The following CUL3 variants were observed in gnomAD, a reference collection of about 807,000 sequenced individuals.
The protein encoded by CUL3 is cullin 3.
CUL3 carries 19 observed loss-of-function variants against 89.1 expected under a neutral mutation model. That is an observed-to-expected ratio of 0.21 (90% confidence interval 0.15 to 0.31). The LOEUF is 0.31. Among genes scored for constraint, CUL3 ranks in the 10% least tolerant of loss-of-function variants. CUL3 has a pLI of 1.00. For synonymous variants in CUL3, 351 were observed against 308.4 expected (o/e 1.14, Z -1.45); for missense variants, 469 against 942.3 (o/e 0.50, Z 6.58).
intron 6 of CUL3, 65 bp downstream of exon 6, chr2:224,511,289 A>G: frequency 8.1e-7 from 1 of 1,228,648 alleles, no homozygotes. Context: ...TAATTGTAGG[A>G]AAATTTTAAA....
chr2:224,540,462 G>A (rs888473544), intron 2 of CUL3, among the ~76,000 whole-genome samples: 1 of 151,816 alleles, frequency 6.6e-6, no homozygotes, highest in East Asian at 1.9e-4. Context: ...AAAGAAAGAA[G>A]AAAGAAGAAG....
chr2:224,566,686 C>T (rs926072683), intron 1 of CUL3, among the ~76,000 whole-genome samples: 18 of 152,196 alleles, frequency 1.2e-4, no homozygotes, highest in Admixed American at 9.8e-4. Flanking sequence ...CCATCCTTTG[C>T]TGGCATTATA....
chr2:224,470,366 A>G lies in CUL3; in HGVS notation c.*3879T>C. 1 of 229,174 alleles carries G rather than the reference A, an allele frequency of 4.4e-6. No homozygotes were observed. 14.2% of individuals were successfully genotyped at this position (229,174 alleles called of 1,614,324 possible). A position where few individuals can be genotyped will look rare whatever the true frequency, so the allele number is the denominator to read the frequency against. On this transcript the variant is annotated 3_prime_UTR_variant, in exon 16 of 16. Coordinates refer to ENST00000264414, the MANE Select transcript of CUL3 (RefSeq NM_003590.5). Reference sequence around the variant, plus strand: ...CTTAGACCCTAAAACTGAGCATCAAATTACTTAAATGACACGCTTACAAAT... The same window carrying G: ...CTTAGACCCTAAAACTGAGCATCAAGTTACTTAAATGACACGCTTACAAAT...
chr2:224,522,302 G>A (rs1574654106), intron 3 of CUL3, among the ~76,000 whole-genome samples: 1 of 152,138 alleles, frequency 6.6e-6, no homozygotes, highest in African/African-American at 2.4e-5. Context: ...AGTTTCTACT[G>A]CAGAATCATA....
intron 13 of CUL3, among the ~76,000 whole-genome samples, chr2:224,487,183 T>C (rs1039068356): frequency 2.0e-5 from 3 of 152,050 alleles, no homozygotes; most frequent in East Asian, 3.9e-4. Context: ...GTAAAGACTA[T>C]TGACACTATG....
intron 3 of CUL3, 28 bp downstream of exon 3, chr2:224,535,500 A>T: frequency 2.1e-6 from 3 of 1,463,238 alleles, no homozygotes; most frequent in Non-Finnish European, 2.8e-6. Context: ...TGCTTAAAGG[A>T]AGAAAACATT....
intron 1 of CUL3, among the ~76,000 whole-genome samples, chr2:224,563,805 A>T (rs911959818): frequency 6.6e-6 from 1 of 152,164 alleles, no homozygotes; most frequent in African/African-American, 2.4e-5. Context: ...GATCAAAATC[A>T]CAATGCTTAT....
At chr2:224,503,867 C>T (rs2106197976) in intron 8 of CUL3, 45 bp from the exon 9 acceptor site, 1 of 1,410,486 alleles carries the variant, frequency 7.1e-7, no homozygotes, top group Non-Finnish European at 9.5e-7. Context: ...TTTAGTTCTA[C>T]AAAAGCAGTA....
chr2:224,529,796 G>A (rs775339162), intron 3 of CUL3, among the ~76,000 whole-genome samples: 1 of 152,038 alleles, frequency 6.6e-6, no homozygotes, highest in African/African-American at 2.4e-5. Flanking sequence ...TTGCAACACC[G>A]AACCTGCCAA....
chr2:224,580,622 T>G (rs1275029125), intron 1 of CUL3, among the ~76,000 whole-genome samples: 1 of 152,000 alleles, frequency 6.6e-6, no homozygotes, highest in African/African-American at 2.4e-5. Context: ...AGGTGGAGGC[T>G]GCAGTGAGCC....
intron 3 of CUL3, among the ~76,000 whole-genome samples, chr2:224,530,035 G>A (rs1374193142): frequency 6.6e-6 from 1 of 152,000 alleles, no homozygotes; most frequent in Admixed American, 6.5e-5. Context: ...TCAGGAGATC[G>A]AGACCATGAT....
rs1166152595 is a variant in CUL3, at chr2:224,526,585, CAAAAAAA to C, written c.378+8936_378+8942del. ...TGGGCGACAGAGGGAGACTCCGTCT[CAAAAAAA>C]AAAAAAAAAAAAAAAAAAAGAAAAG... is the stretch of plus-strand genomic sequence containing the variant. On this transcript the variant is annotated intron_variant, in intron 3 of 15. Transcript: ENST00000264414. Among the ~76,000 whole-genome samples, 184 of 26,148 alleles carry C rather than the reference CAAAAAAA, an allele frequency of 7.0e-3. 1 individual carries two copies. The Middle Eastern group carries it at 0.095, about 14-fold the overall frequency. The allele number at this position is 26,148 out of a possible 152,430, so 17.2% of individuals were successfully genotyped here. A position where few individuals can be genotyped will look rare whatever the true frequency, so the allele number is the denominator to read the frequency against.
At chr2:224,558,715 A>C (rs1694803916) in intron 1 of CUL3, among the ~76,000 whole-genome samples, 1 of 152,180 alleles carries the variant, frequency 6.6e-6, no homozygotes, top group Non-Finnish European at 1.5e-5. Context: ...TTTGACAAGT[A>C]AATCTCTAGT....
chr2:224,534,983 A>T (rs1039637706), intron 3 of CUL3, among the ~76,000 whole-genome samples: 1 of 150,988 alleles, frequency 6.6e-6, no homozygotes, highest in Admixed American at 6.6e-5. Flanking sequence ...CCTGGGGAAC[A>T]GAGCGAGACC....
chr2:224,511,857 T>C (rs1330072565), intron 5 of CUL3, among the ~76,000 whole-genome samples: 1 of 152,298 alleles, frequency 6.6e-6, no homozygotes, highest in East Asian at 1.9e-4. Context: ...AACAAGTATA[T>C]ACACGCCAGT....
chr2:224,585,025 C>T lies in CUL3; in HGVS notation c.-16G>A, dbSNP rs376097816. On this transcript the variant is annotated 5_prime_UTR_variant, in exon 1 of 16. Coordinates refer to ENST00000264414, the MANE Select transcript of CUL3 (RefSeq NM_003590.5). ...GATTCGACATGGTGCTCGTCCCCTC[C>T]CCGGCGGCGGCTTCAGGTCGCGCTC... is the stretch of plus-strand genomic sequence containing the variant. 2.9e-5 allele frequency: 43 copies of T among 1,491,822 alleles called. No individual in the cohort carries two copies. The African/African-American group carries it at 5.0e-4, about 17-fold the overall frequency. The allele number at this position is 1,491,822 out of a possible 1,614,324, so 92.4% of individuals were successfully genotyped here.
At chr2:224,520,964 G>C (rs551836793) in intron 3 of CUL3, among the ~76,000 whole-genome samples, 7 of 152,292 alleles carry the variant, frequency 4.6e-5, no homozygotes, top group African/African-American at 1.7e-4. Flanking sequence ...CCTATGCAAA[G>C]TCAAGGGGTG....
At chr2:224,558,425 T>A (rs532602470) in intron 1 of CUL3, among the ~76,000 whole-genome samples, 3 of 152,336 alleles carry the variant, frequency 2.0e-5, no homozygotes, top group African/African-American at 7.2e-5. Flanking sequence ...TTATGACTGC[T>A]TCCTATTCCA....
At chr2:224,545,543 C>T (rs1000903644) in intron 2 of CUL3, among the ~76,000 whole-genome samples, 1 of 152,150 alleles carries the variant, frequency 6.6e-6, no homozygotes, top group African/African-American at 2.4e-5. Flanking sequence ...CAAAATGAAG[C>T]TCTTAAAGAA....
Sources: allele counts gnomAD v4.1 joint callset (sites outside exome capture counted in the v4.1 genomes callset), GRCh38; gene constraint gnomAD v4.1.1; transcripts MANE v1.5; gene names NCBI Gene and HGNC (gene_info 2026-07-23, HGNC 2026-07-21).